The following GRXCR2 variants were observed in gnomAD, a reference collection of about 807,000 sequenced individuals.
GRXCR2 encodes the protein glutaredoxin and cysteine rich domain containing 2.
A neutral mutation model predicts 24.8 loss-of-function variants in GRXCR2; 23 were observed. The observed-to-expected ratio is 0.93, with a 90% confidence interval of 0.67 to 1.32. The LOEUF is 1.32. Ranked by LOEUF, GRXCR2 falls within the 40% of genes most tolerant of loss-of-function variation. The pLI is 0.00. For synonymous variants in GRXCR2, 130 were observed against 116.1 expected, an observed-to-expected ratio of 1.12 and a Z score of -0.77; for missense variants, 315 against 303.4, an observed-to-expected ratio of 1.04 and a Z score of -0.28.
At chr5:145,910,993 ATT>A (rs113252498) in intron 2 of GRXCR2, among the ~76,000 whole-genome samples, 1 of 144,576 alleles carries the variant, frequency 6.9e-6, no homozygotes, top group Non-Finnish European at 1.5e-5. Flanking sequence ...CTTCTTTTGT[ATT>A]TTTTTTTTTG....
In GRXCR2 at chr5:145,912,719, C is replaced by T. The variant is rs369582059; in HGVS notation, c.-70+22982G>A. On this transcript the variant is annotated intron_variant, in intron 2 of 3. Coordinates refer to the GRXCR2 transcript ENST00000639411. Reference sequence around the variant, plus strand: ...AGGCCTATGAAGAGGAGGTATGAGGCGGAGTCCTGTGGAAAGGCCTAAGGT... The same window carrying T: ...AGGCCTATGAAGAGGAGGTATGAGGTGGAGTCCTGTGGAAAGGCCTAAGGT... Among the ~76,000 whole-genome samples, 504 of 152,048 alleles carry T rather than the reference C, an allele frequency of 3.3e-3. 1 individual carries two copies. The highest frequency in any genetic ancestry group is 0.012 in the African/African-American group (480 of 41,468).
intron 2 of GRXCR2, among the ~76,000 whole-genome samples, chr5:145,922,350 C>T (rs548376357): frequency 6.6e-6 from 1 of 152,320 alleles, no homozygotes; most frequent in African/African-American, 2.4e-5. Context: ...TCTCAAACCT[C>T]AGCCAGGTGC....
chr5:145,878,438 A>T (rs570984576), intron 2 of GRXCR2, among the ~76,000 whole-genome samples: 1 of 152,352 alleles, frequency 6.6e-6, no homozygotes, highest in East Asian at 1.9e-4. Flanking sequence ...AGTGGAGGAA[A>T]GGGTATCAGT....
At chr5:145,919,073 C>A (rs998390642) in intron 2 of GRXCR2, among the ~76,000 whole-genome samples, 1 of 152,160 alleles carries the variant, frequency 6.6e-6, no homozygotes, top group Non-Finnish European at 1.5e-5. Context: ...TCTGTTCTTG[C>A]GGTCAAGTCG....
chr5:145,882,800 A>C (rs1462190785), intron 2 of GRXCR2, among the ~76,000 whole-genome samples: 2 of 152,282 alleles, frequency 1.3e-5, no homozygotes, highest in Non-Finnish European at 1.5e-5. Context: ...AGACTGGATT[A>C]AGAAAATGTG....
chr5:145,900,187 G>C (rs780334434), intron 2 of GRXCR2, among the ~76,000 whole-genome samples: 3 of 152,074 alleles, frequency 2.0e-5, no homozygotes, highest in African/African-American at 7.2e-5. Flanking sequence ...GGAGGTGATT[G>C]GATCATGGGG....
At chr5:145,876,107 A>C (rs1756609357), upstream of GRXCR2, among the ~76,000 whole-genome samples, 1 of 149,976 alleles carries the variant, frequency 6.7e-6, no homozygotes, top group Non-Finnish European at 1.5e-5. Context: ...TTTGAGGCTA[A>C]AGCCAGCTAC....
chr5:145,874,040 C>A (rs1467819810), upstream of GRXCR2, among the ~76,000 whole-genome samples: 1 of 152,104 alleles, frequency 6.6e-6, no homozygotes, highest in Non-Finnish European at 1.5e-5. Context: ...GAAAAGGGCC[C>A]TTGGGCTGGG....
chr5:145,904,934 C>A lies in GRXCR2; in HGVS notation c.-70+30767G>T, dbSNP rs368176186. Among the ~76,000 whole-genome samples the A allele has an allele frequency of 5.8e-4, 88 of 152,204 alleles. 3 individuals are homozygous for A. The South Asian group carries it at 0.017, about 30-fold the overall frequency. On this transcript the variant is annotated intron_variant, in intron 2 of 3. Coordinates refer to the GRXCR2 transcript ENST00000639411. Reference sequence around the variant, plus strand: ...GTGGCTTGGGCTTTTTAGGGTGTAACAGCTAGGTCCAAAAGGAAGCAGTCC... The same window carrying A: ...GTGGCTTGGGCTTTTTAGGGTGTAAAAGCTAGGTCCAAAAGGAAGCAGTCC...
chr5:145,876,294 T>G (rs1362557517), upstream of GRXCR2, among the ~76,000 whole-genome samples: 1 of 148,900 alleles, frequency 6.7e-6, no homozygotes, highest in African/African-American at 2.5e-5. Flanking sequence ...TTTTTTTTTT[T>G]GAGACAGGGT....
chr5:145,872,544 A>G, intron 1 of GRXCR2, 89 bp downstream of exon 1: 1 of 1,131,338 alleles, frequency 8.8e-7, no homozygotes, highest in Non-Finnish European at 1.2e-6. Flanking sequence ...AGGGGGAGCA[A>G]GACACAAATC....
chr5:145,901,848 C>G (rs1261918447), intron 2 of GRXCR2, among the ~76,000 whole-genome samples: 1 of 152,142 alleles, frequency 6.6e-6, no homozygotes, highest in African/African-American at 2.4e-5. Context: ...ACAGGGGAAC[C>G]AGGTGGAAGA....
chr5:145,865,493 C>T (rs7710034), intron 2 of GRXCR2, among the ~76,000 whole-genome samples: 19,278 of 152,126 alleles, frequency 0.13, 1,337 homozygotes, highest in African/African-American at 0.18. Flanking sequence ...AGATATTAAG[C>T]TTTATTAACA....
At position 145,887,564 on chromosome 5, in the gene GRXCR2, A is replaced by G. The variant is rs567737403; in HGVS notation, c.-69-20836T>C. ...ATTCTCCAATATGAAGAGCAATCCT[A>G]CACAACAAAAATTGTCCCTCACCTC... On this transcript the variant is annotated intron_variant, in intron 2 of 3. Coordinates refer to the GRXCR2 transcript ENST00000639411. Among the ~76,000 whole-genome samples the G allele has an allele frequency of 2.0e-5, 3 of 152,368 alleles. No individual in the cohort carries two copies. In the South Asian group the frequency reaches 6.2e-4, roughly 32 times the overall value.
chr5:145,924,008 T>A (rs933964844), intron 2 of GRXCR2, among the ~76,000 whole-genome samples: 1 of 152,122 alleles, frequency 6.6e-6, no homozygotes, highest in Non-Finnish European at 1.5e-5. Context: ...ACAATTTTGA[T>A]AGATAATGCC....
At chr5:145,926,737 C>T (rs1429693053) in intron 2 of GRXCR2, among the ~76,000 whole-genome samples, 5 of 152,044 alleles carry the variant, frequency 3.3e-5, no homozygotes, top group Non-Finnish European at 5.9e-5. Context: ...ATATGAACTT[C>T]AAAGTAGTTT....
At chr5:145,918,368 T>G (rs1757272385) in intron 2 of GRXCR2, among the ~76,000 whole-genome samples, 1 of 152,202 alleles carries the variant, frequency 6.6e-6, no homozygotes, top group African/African-American at 2.4e-5. Context: ...CGGGGTCTGT[T>G]GACTCCAAGT....
At chr5:145,882,357 T>A (rs935361493) in intron 2 of GRXCR2, among the ~76,000 whole-genome samples, 2 of 152,072 alleles carry the variant, frequency 1.3e-5, no homozygotes, top group African/African-American at 2.4e-5. Context: ...AAAAGTGGGC[T>A]AAGGATATGA....
At chr5:145,863,152 G>A (rs1004071580) in intron 2 of GRXCR2, among the ~76,000 whole-genome samples, 1 of 152,130 alleles carries the variant, frequency 6.6e-6, no homozygotes, top group Non-Finnish European at 1.5e-5. Flanking sequence ...ACCTGGCCGG[G>A]CTTTCAGCCT....
Sources: allele counts gnomAD v4.1 joint callset (sites outside exome capture counted in the v4.1 genomes callset), GRCh38; gene constraint gnomAD v4.1.1; transcripts MANE v1.5; gene names NCBI Gene and HGNC (gene_info 2026-07-23, HGNC 2026-07-21).